The following PELP1 variants were observed in gnomAD, a reference collection of about 807,000 sequenced individuals.
The protein encoded by PELP1 is proline, glutamate and leucine rich protein 1, also known as proline-, glutamic acid- and leucine-rich protein 1.
Under a neutral mutation model 95.5 loss-of-function variants are expected in PELP1, and 32 were observed. That is an observed-to-expected ratio of 0.34 (90% confidence interval 0.25 to 0.45). PELP1 has a LOEUF of 0.45. PELP1 is among the 20% of genes least tolerant of loss of function. The pLI is 1.00. For missense variants in PELP1, 1,358 were observed against 1,444.8 expected (o/e 0.94, Z 0.97); for synonymous variants, 668 against 600.1 (o/e 1.11, Z -1.65).
At position 4,673,420 on chromosome 17, in the gene PELP1, C is replaced by A; in HGVS notation, c.1675G>T (p.Val559Leu). Residue 559 changes from valine (V) to leucine (L), a missense_variant, in exon 15 of 17, where the codon GTA (valine) becomes TTA (leucine). Transcript: ENST00000572293. This position sits in a 1 kb window ranked among gnomAD's most constrained non-coding sequence, Gnocchi z 5.7. ...CTGCCTAGGACCTCACCCTGCTGTA[C>A]ACCCATGACCAGGGGGAGGACCAGG... ...HDLVLPLVMG[V>L]QQGEVLGSSP... 5.6e-6 allele frequency: 9 copies of A among 1,594,466 alleles called. No individual in the cohort carries two copies. The highest frequency in any genetic ancestry group is 7.7e-6 in the Non-Finnish European group (9 of 1,171,020).
chr17:4,700,158 GC>G (rs1283970394), intron 1 of PELP1, among the ~76,000 whole-genome samples: 2 of 151,934 alleles, frequency 1.3e-5, no homozygotes, highest in African/African-American at 2.4e-5. Context: ...ACCCACCTTG[GC>G]CTCCCAAAGT....
chr17:4,701,991 T>C (rs1913557329), intron 1 of PELP1, among the ~76,000 whole-genome samples: 1 of 152,128 alleles, frequency 6.6e-6, no homozygotes, highest in Non-Finnish European at 1.5e-5. Flanking sequence ...ACTTCAGACA[T>C]GTAAGAAAAA....
chr17:4,700,992 T>TTAAA (rs1913505236), intron 1 of PELP1, among the ~76,000 whole-genome samples: 1 of 29,410 alleles, frequency 3.4e-5, no homozygotes, highest in Non-Finnish European at 5.7e-5. Flanking sequence ...AAAGTTCCAC[T>TTAAA]AAAAAAAAAA....
Position 4,675,408 on chromosome 17 carries a change from G to A in PELP1, c.1069-46C>T. ...GATAAAGAGTGGAGGAAGAAAGTGAGAGCCAGAGAGAGACAGAAACAGGGA... is the reference window on the plus strand; with the variant it reads ...GATAAAGAGTGGAGGAAGAAAGTGAAAGCCAGAGAGAGACAGAAACAGGGA... On this transcript the variant is annotated intron_variant, in intron 9 of 16. Coordinates refer to ENST00000572293, the MANE Select transcript of PELP1 (RefSeq NM_014389.3). The surrounding 1 kb of genome is among the most constrained non-coding windows in gnomAD (Gnocchi z 4.3). 2.6e-6 allele frequency: 3 copies of A among 1,171,296 alleles called. No homozygotes were observed. Among genetic ancestry groups the A allele is most frequent in the Non-Finnish European group, 2.5e-6 (2 of 807,804 alleles). The allele number at this position is 1,171,296 out of a possible 1,614,324, so 72.6% of individuals were successfully genotyped here. A position where few individuals can be genotyped will look rare whatever the true frequency, so the allele number is the denominator to read the frequency against.
chr17:4,695,363 G>T (rs906006768), intron 1 of PELP1, among the ~76,000 whole-genome samples: 8 of 151,604 alleles, frequency 5.3e-5, no homozygotes, highest in Admixed American at 2.6e-4. Context: ...TATGGTTTGT[G>T]AATTATTTCT....
At position 4,675,444 on chromosome 17, in the gene PELP1, A is replaced by G. The variant is rs1912422970; in HGVS notation, c.1069-82T>C. 1 of 873,838 alleles carries G rather than the reference A, an allele frequency of 1.1e-6. No individual in the cohort carries two copies. The allele number at this position is 873,838 out of a possible 1,614,324, so 54.1% of individuals were successfully genotyped here. A position where few individuals can be genotyped will look rare whatever the true frequency, so the allele number is the denominator to read the frequency against. ...AGACAGAAACAGGGAATGACCATTT[A>G]CATATGTACACATAGGTAAGAAACC... On this transcript the variant is annotated intron_variant, in intron 9 of 16. Coordinates refer to ENST00000572293, the MANE Select transcript of PELP1 (RefSeq NM_014389.3). The surrounding 1 kb of genome is among the most constrained non-coding windows in gnomAD (Gnocchi z 4.3).
rs958657571 is a variant in PELP1 at position 4,675,262 on chromosome 17, A to G, written c.1157+12T>C. ...CCTATCCCTTCACCACAGCCAGCCCAATCCCACTCACGCGAGGATGAGTGC... is the reference window on the plus strand; with the variant it reads ...CCTATCCCTTCACCACAGCCAGCCCGATCCCACTCACGCGAGGATGAGTGC... On this transcript the variant is annotated intron_variant, in intron 10 of 16. Coordinates refer to ENST00000572293, the MANE Select transcript of PELP1 (RefSeq NM_014389.3). This position sits in a 1 kb window ranked among gnomAD's most constrained non-coding sequence, Gnocchi z 4.3. 1.3e-5 allele frequency: 21 copies of G among 1,587,020 alleles called. No individual in the cohort carries two copies. Among genetic ancestry groups the G allele is most frequent in the Non-Finnish European group, 1.8e-5 (21 of 1,166,968 alleles).
rs763098718 is a variant in PELP1, at chr17:4,674,597, G to C, written c.1495C>G (p.Leu499Val). 1 of 1,609,556 alleles carries C rather than the reference G, an allele frequency of 6.2e-7. No homozygotes were observed. Among genetic ancestry groups the C allele is most frequent in the Non-Finnish European group, 8.5e-7 (1 of 1,178,666 alleles). ...GGGGCCATAGCTTCCCCCACATCCA[G>C]CTTTAGCTTCTTGGGGGCGCTAGGC... ...GKPSAPKKLK[L>V]DVGEAMAPPS... Residue 499 changes from leucine (L) to valine (V), a missense_variant, in exon 13 of 17, where the codon CTG becomes GTG. Leu to Val is a conservative substitution (Grantham distance 32, BLOSUM62 1). Around this residue, in one of 7 missense-constraint regions of PELP1, gnomAD observed 538 missense variants for 628.1 expected, o/e 0.86. Coordinates refer to ENST00000572293, the MANE Select transcript of PELP1 (RefSeq NM_014389.3).
At chr17:4,702,592 T>C (rs1973555) in intron 1 of PELP1, among the ~76,000 whole-genome samples, 99,675 of 152,048 alleles carry the variant, frequency 0.66, 33,482 homozygotes, top group East Asian at 0.82. Context: ...GAGATATAGT[T>C]TTGTCACCCT....
At chr17:4,690,138 G>A (rs538679225) in intron 3 of PELP1, among the ~76,000 whole-genome samples, 7 of 152,250 alleles carry the variant, frequency 4.6e-5, no homozygotes, top group East Asian at 3.9e-4. Flanking sequence ...CCTGGATGGC[G>A]TTGGTGACCA....
Position 4,672,588 on chromosome 17 carries a change from TG to T in PELP1, c.2402del (p.Pro801HisfsTer11). On this transcript the variant is annotated frameshift_variant, in exon 16 of 17. Coordinates refer to ENST00000572293, the MANE Select transcript of PELP1 (RefSeq NM_014389.3). LOFTEE classifies it high-confidence loss of function. ...GGGGTGGTGTGGCACCTGAGGGTGGTGGGGGTGGCAGGGGGGGAAGCCCCTC... is the reference window on the plus strand; with the variant it reads ...GGGGTGGTGTGGCACCTGAGGGTGGTGGGGTGGCAGGGGGGGAAGCCCCTC... ...VPEGLPPLPP[P>X]PPSGATPPPI... is the part of the protein sequence containing the mutation. 4.0e-6 allele frequency: 1 copy of T among 252,134 alleles called. No homozygotes were observed. The highest frequency in any genetic ancestry group is 5.9e-6 in the Non-Finnish European group (1 of 168,952). The allele number at this position is 252,134 out of a possible 1,614,324, so 15.6% of individuals were successfully genotyped here.
intron 3 of PELP1, chr17:4,683,166 G>T: frequency 9.9e-7 from 1 of 1,007,882 alleles, no homozygotes; most frequent in Non-Finnish European, 1.3e-6. Flanking sequence ...TTTGTGTGGG[G>T]GAAAAAAAGA....
At position 4,671,151 on chromosome 17, in the gene PELP1, C is replaced by T. The variant is rs1438552497; in HGVS notation, c.*288G>A. On this transcript the variant is annotated 3_prime_UTR_variant, in exon 17 of 17. Transcript: ENST00000572293. ...TGTCTCTATAACTCCTCATTCTTAACCCTACACACAATTCTGCACGTTTAG... is the reference window on the plus strand; with the variant it reads ...TGTCTCTATAACTCCTCATTCTTAATCCTACACACAATTCTGCACGTTTAG... 4 of 470,092 alleles carry T rather than the reference C, an allele frequency of 8.5e-6. No homozygotes were observed. The highest frequency in any genetic ancestry group is 7.8e-5 in the African/African-American group (4 of 51,068). The allele number at this position is 470,092 out of a possible 1,614,324, so 29.1% of individuals were successfully genotyped here.
rs1164143782 is a variant in PELP1, at chr17:4,671,481, A to C, written c.3351T>G (p.Pro1117=). 6.2e-7 allele frequency: 1 copy of C among 1,609,722 alleles called. No homozygotes were observed. Among genetic ancestry groups the C allele is most frequent in the African/African-American group, 1.3e-5 (1 of 74,822 alleles). ...AMLADFIDCP[P]DDEKPPPPTE... is the part of the protein sequence containing the mutation. ...TGGGAGGTGGTGGCTTCTCATCATC[A>C]GGGGGACAATCGATGAAGTCGGCCA... The change falls in exon 17 of 17, where the codon CCT becomes CCG. Residue 1117 remains proline, a synonymous_variant. Coordinates refer to ENST00000572293, the MANE Select transcript of PELP1 (RefSeq NM_014389.3).
In PELP1 at chr17:4,676,360, T is replaced by G; in HGVS notation, c.850A>C (p.Thr284Pro). ...AACTAGCAGCCCTGGTCCCTACCAG[T>G]CTCTGCTCCCTCGTACAGGGCCCCC... ...LLGALYEGAE[T>P]APVQNEGPGV... Residue 284 changes from threonine to proline, a missense_variant, in exon 7 of 17, where the codon ACT becomes CCT. Transcript: ENST00000572293. 1 of 1,613,064 alleles carries G rather than the reference T, an allele frequency of 6.2e-7. No individual in the cohort carries two copies. Among genetic ancestry groups the G allele is most frequent in the Non-Finnish European group, 8.5e-7 (1 of 1,179,474 alleles).
Position 4,672,421 on chromosome 17 carries a change from G to T in PELP1, c.2570C>A (p.Pro857Gln). 1 of 1,569,156 alleles carries T rather than the reference G, an allele frequency of 6.4e-7. No individual in the cohort carries two copies. The highest frequency in any genetic ancestry group is 8.6e-7 in the Non-Finnish European group (1 of 1,156,944). ...AGTCCCTTCAGGGACCAACTGGGGT[G>T]GAGGGAGCGTCACAGGACCAGGAAC... ...PPVPGPVTLPPPQLVPEGTPG... is the reference protein window; with the variant it reads ...PPVPGPVTLPQPQLVPEGTPG... The change falls in exon 16 of 17, where the codon CCA becomes CAA. Residue 857 changes from proline to glutamine, a missense_variant. By Grantham distance (76) the Pro-to-Gln change is moderately conservative. Around this residue, in one of 7 missense-constraint regions of PELP1, gnomAD observed 340 missense variants for 322.9 expected, o/e 1.05. Coordinates refer to ENST00000572293, the MANE Select transcript of PELP1 (RefSeq NM_014389.3).
At position 4,673,283 on chromosome 17, in the gene PELP1, G is replaced by T; in HGVS notation, c.1812C>A (p.Ala604=). 1 of 1,579,858 alleles carries T rather than the reference G, an allele frequency of 6.3e-7. No individual in the cohort carries two copies. The highest frequency in any genetic ancestry group is 2.3e-5 in the East Asian group (1 of 43,292). Residue 604 remains alanine, a synonymous_variant, in exon 15 of 17, where the codon GCC becomes GCA. Transcript: ENST00000572293. The surrounding 1 kb of genome is among the most constrained non-coding windows in gnomAD (Gnocchi z 5.7). ...CPPPLACALQ[A]FSLGQREDSL... ...TATCTTCTCGCTGGCCGAGGGAGAA[G>T]GCTTGCAGGGCACAGGCAAGAGGAG...
rs1380347664 is a variant in PELP1 at position 4,675,381 on chromosome 17, G to C, written c.1069-19C>G. 30 of 1,405,672 alleles carry C rather than the reference G, an allele frequency of 2.1e-5. No individual in the cohort carries two copies. The highest frequency in any genetic ancestry group is 3.9e-5 in the Admixed American group (2 of 50,834). The allele number at this position is 1,405,672 out of a possible 1,614,324, so 87.1% of individuals were successfully genotyped here. On this transcript the variant is annotated intron_variant, in intron 9 of 16. Coordinates refer to ENST00000572293, the MANE Select transcript of PELP1 (RefSeq NM_014389.3). This position sits in a 1 kb window ranked among gnomAD's most constrained non-coding sequence, Gnocchi z 4.3. ...GCAAGCTCTGGAGAAAAAAGGGGCAGAGATAAAGAGTGGAGGAAGAAAGTG... is the reference window on the plus strand; with the variant it reads ...GCAAGCTCTGGAGAAAAAAGGGGCACAGATAAAGAGTGGAGGAAGAAAGTG...
intron 2 of PELP1, 31 bp from the exon 3 acceptor site, chr17:4,691,024 G>A (rs1913077675): frequency 6.7e-7 from 1 of 1,489,006 alleles, no homozygotes; most frequent in Non-Finnish European, 9.4e-7. Flanking sequence ...CATGTTAAGT[G>A]GGCGGAGGCT....
Sources: gnomAD v4.1 joint callset for allele counts (sites outside exome capture counted in the v4.1 genomes callset) on GRCh38, gnomAD v4.1.1 for gene constraint, gnomAD v4.1.1 regional missense constraint, Gnocchi (gnomAD v3.1) non-coding constraint, MANE v1.5 for transcripts, NCBI Gene and HGNC (gene_info 2026-07-23, HGNC 2026-07-21) for gene names.